Variants in EFCAB6 observed in about 807,000 individuals in gnomAD.
EFCAB6 encodes EF-hand calcium-binding domain-containing protein 6.
A neutral mutation model predicts 169.8 loss-of-function variants in EFCAB6; 156 were observed. The ratio of observed to expected loss-of-function variants is 0.92; its 90% CI spans 0.81 to 1.05. EFCAB6 has a LOEUF of 1.05. Among genes scored for constraint, EFCAB6 ranks in the 50% least tolerant of loss-of-function variants. EFCAB6 has a pLI of 0.00. For synonymous variants in EFCAB6, 698 were observed against 676.4 expected (o/e 1.03, Z -0.50); for missense variants, 1,800 against 1,829.1 (o/e 0.98, Z 0.29).
chr22:43,642,230 C>A (rs1305187840), intron 17 of EFCAB6, among the ~76,000 whole-genome samples: 1 of 152,224 alleles, frequency 6.6e-6, no homozygotes, highest in Non-Finnish European at 1.5e-5. Flanking sequence ...CATGAGCCAC[C>A]ATTCCCGGCT....
intron 2 of EFCAB6, among the ~76,000 whole-genome samples, chr22:43,793,808 C>A (rs975066936): frequency 6.6e-6 from 1 of 152,128 alleles, no homozygotes; most frequent in Admixed American, 6.5e-5. Context: ...CACCATCCAT[C>A]GGTTCATCTG....
At chr22:43,672,201 A>G (rs199550965) in intron 14 of EFCAB6, 45 bp downstream of exon 14, 540 of 1,613,902 alleles carry the variant, frequency 3.3e-4, no homozygotes, top group Non-Finnish European at 4.4e-4. Flanking sequence ...GTAACCTCAA[A>G]CCATATAGGA....
At chr22:43,805,912 C>T (rs920109902) in intron 2 of EFCAB6, among the ~76,000 whole-genome samples, 4 of 152,072 alleles carry the variant, frequency 2.6e-5, no homozygotes, top group African/African-American at 9.7e-5. Flanking sequence ...TGCCTGTAAT[C>T]CCAACATTTT....
At chr22:43,571,576 C>A (rs994512152) in intron 26 of EFCAB6, among the ~76,000 whole-genome samples, 4 of 152,150 alleles carry the variant, frequency 2.6e-5, no homozygotes, top group Non-Finnish European at 5.9e-5. Flanking sequence ...GGTTCTTCCC[C>A]GGCTGCCTTC....
intron 17 of EFCAB6, among the ~76,000 whole-genome samples, chr22:43,653,260 T>C (rs1270040399): frequency 1.3e-5 from 2 of 152,180 alleles, no homozygotes; most frequent in East Asian, 3.9e-4. Flanking sequence ...GAAAGCTGCA[T>C]TGAGACTCAT....
intron 18 of EFCAB6, 27 bp downstream of exon 18, chr22:43,635,074 AC>A (rs1373299765): frequency 1.3e-6 from 2 of 1,592,604 alleles, no homozygotes; most frequent in Non-Finnish European, 8.6e-7. Flanking sequence ...GACGCATCCC[AC>A]AGGGTGTGGA....
In EFCAB6 at chr22:43,531,809, C is replaced by G. The variant is rs945127168; in HGVS notation, c.4234-845G>C. Among the ~76,000 whole-genome samples, 7 of 152,276 alleles carry G rather than the reference C, an allele frequency of 4.6e-5. No homozygotes were observed. The South Asian group carries it at 1.5e-3, about 32-fold the overall frequency. On this transcript the variant is annotated intron_variant, in intron 30 of 31. Coordinates refer to ENST00000262726, the MANE Select transcript of EFCAB6 (RefSeq NM_022785.4). ...TGTGGGGCTCACATGACCTCCCACA[C>G]CACACATCACAGGGCAGGACCACCA... is the stretch of plus-strand genomic sequence containing the variant.
In EFCAB6 at chr22:43,546,734, G is replaced by A. The variant is rs188044538; in HGVS notation, c.3649-6377C>T. Among the ~76,000 whole-genome samples, 61 of 152,126 alleles carry A rather than the reference G, an allele frequency of 4.0e-4. 1 individual carries two copies. The Middle Eastern group carries it at 0.02, about 51-fold the overall frequency. ...TAAAAATACAAAAAATTAGCCAGGT[G>A]TGGTGGTGCGCACCTGTAATCCCAG... On this transcript the variant is annotated intron_variant, in intron 27 of 31. Transcript: ENST00000262726.
At chr22:43,721,734 A>G (rs937390348) in intron 8 of EFCAB6, among the ~76,000 whole-genome samples, 3 of 152,208 alleles carry the variant, frequency 2.0e-5, no homozygotes, top group Admixed American at 6.5e-5. Flanking sequence ...ACTATATATA[A>G]AAATTAACTC....
Position 43,751,918 on chromosome 22 carries a change from G to A in EFCAB6, c.507+3848C>T, listed in dbSNP as rs539372558. 7.2e-5 allele frequency among the ~76,000 whole-genome samples: 11 copies of A among 152,242 alleles called. No homozygotes were observed. In the South Asian group the frequency reaches 1.5e-3, roughly 20 times the overall value. On this transcript the variant is annotated intron_variant, in intron 6 of 31. Transcript: ENST00000262726. ...ACCTGGGAATTAAATGCCTTAATGC[G>A]ATAAAGCACTTAGAACAGCTCCTAG...
chr22:43,796,820 G>A (rs752731492), intron 2 of EFCAB6, among the ~76,000 whole-genome samples: 14 of 152,190 alleles, frequency 9.2e-5, no homozygotes, highest in Non-Finnish European at 1.6e-4. Context: ...TAGAAGTCTT[G>A]CTGCTGCTGC....
chr22:43,807,607 CAA>C (rs1212115262), intron 2 of EFCAB6, among the ~76,000 whole-genome samples: 2 of 152,132 alleles, frequency 1.3e-5, no homozygotes, highest in Non-Finnish European at 2.9e-5. Flanking sequence ...TAATTCAACA[CAA>C]GAGTAAAAAG....
chr22:43,720,735 A>G (rs970730873), intron 8 of EFCAB6, among the ~76,000 whole-genome samples: 12 of 151,974 alleles, frequency 7.9e-5, no homozygotes, highest in Non-Finnish European at 1.6e-4. Flanking sequence ...AGAGAGGGGG[A>G]AAAAAGATCC....
At chr22:43,563,848 G>A (rs528445680) in intron 26 of EFCAB6, among the ~76,000 whole-genome samples, 98 of 152,354 alleles carry the variant, frequency 6.4e-4, no homozygotes, top group Non-Finnish European at 1.1e-3. Flanking sequence ...TAAGGCAGAA[G>A]CCAGGTCTGA....
At chr22:43,701,288 C>T (rs764839024) in intron 10 of EFCAB6, among the ~76,000 whole-genome samples, 2 of 152,124 alleles carry the variant, frequency 1.3e-5, no homozygotes, top group Non-Finnish European at 2.9e-5. Flanking sequence ...GTTCTTAGTC[C>T]AATATTTCAT....
chr22:43,535,248 C>T (rs2047317880), intron 29 of EFCAB6: 1 of 184,190 alleles, frequency 5.4e-6, no homozygotes, highest in Admixed American at 6.2e-5. Flanking sequence ...GTGAGCCTGG[C>T]TGGGGCTGGA....
At chr22:43,750,563 G>A (rs1042816120) in intron 6 of EFCAB6, among the ~76,000 whole-genome samples, 1 of 152,198 alleles carries the variant, frequency 6.6e-6, no homozygotes, top group Non-Finnish European at 1.5e-5. Flanking sequence ...GCTGATGAAA[G>A]TAGGATTAGG....
chr22:43,627,202 A>T (rs1217218722), intron 19 of EFCAB6, among the ~76,000 whole-genome samples: 1 of 152,194 alleles, frequency 6.6e-6, no homozygotes. Flanking sequence ...CAACTGAAGG[A>T]CTTCCACTCA....
At chr22:43,729,877 T>C (rs571056253) in intron 8 of EFCAB6, among the ~76,000 whole-genome samples, 73 of 152,244 alleles carry the variant, frequency 4.8e-4, no homozygotes, top group Middle Eastern at 3.4e-3. Context: ...TGTGAATATG[T>C]GCTGGTCATG....
Sources: gnomAD v4.1 joint callset for allele counts (sites outside exome capture counted in the v4.1 genomes callset) on GRCh38, gnomAD v4.1.1 for gene constraint, MANE v1.5 for transcripts, NCBI Gene and HGNC (gene_info 2026-07-23, HGNC 2026-07-21) for gene names.